GNAQ: variants seen among roughly 807,000 people sequenced by gnomAD.
The protein encoded by GNAQ is G protein subunit alpha q.
Under a neutral mutation model 43.9 loss-of-function variants are expected in GNAQ, and 8 were observed. The observed-to-expected ratio is 0.18, with a 90% CI of 0.11 to 0.33. The LOEUF (loss-of-function observed/expected upper bound fraction) is 0.33. Ranked by LOEUF, GNAQ falls within the 10% of genes least tolerant of loss-of-function variation. The probability of loss-of-function intolerance (pLI) is 1.00; values close to 1 mark genes in which losing one functional copy is unlikely to be tolerated. For synonymous variants in GNAQ, 155 were observed against 170.7 expected, an observed-to-expected ratio of 0.91 and a Z score of 0.71; for missense variants, 158 against 450.8, an observed-to-expected ratio of 0.35 and a Z score of 5.88.
intron 1 of GNAQ, among the ~76,000 whole-genome samples, chr9:77,947,602 A>T (rs1034555514): frequency 2.0e-5 from 3 of 152,222 alleles, no homozygotes; most frequent in African/African-American, 7.2e-5. Context: ...GCTATTACCC[A>T]TACATGCCCC....
chr9:77,946,460 AC>A (rs1822900965), intron 1 of GNAQ, among the ~76,000 whole-genome samples: 2 of 152,032 alleles, frequency 1.3e-5, no homozygotes, highest in African/African-American at 4.8e-5. Flanking sequence ...CCCCAAAAAC[AC>A]CCAGGCAAAG....
At chr9:77,740,478 A>C (rs1320297738) in intron 5 of GNAQ, among the ~76,000 whole-genome samples, 1 of 152,252 alleles carries the variant, frequency 6.6e-6, no homozygotes, top group African/African-American at 2.4e-5. Context: ...ACTGAAGGAC[A>C]GTAATAAGCA....
intron 3 of GNAQ, among the ~76,000 whole-genome samples, chr9:77,801,218 C>A (rs954093520): frequency 1.3e-5 from 2 of 152,194 alleles, no homozygotes; most frequent in African/African-American, 2.4e-5. Context: ...GAATCAGGCA[C>A]ATACCTGCCA....
At chr9:78,026,829 C>T (rs1476443967) in intron 1 of GNAQ, among the ~76,000 whole-genome samples, 1 of 152,208 alleles carries the variant, frequency 6.6e-6, no homozygotes, top group Non-Finnish European at 1.5e-5. Context: ...GCATATCCTT[C>T]ATATTAAAAA....
intron 2 of GNAQ, among the ~76,000 whole-genome samples, chr9:77,842,967 G>C (rs903967133): frequency 3.3e-5 from 5 of 152,114 alleles, no homozygotes; most frequent in African/African-American, 1.2e-4. Flanking sequence ...TAAAGTCTTT[G>C]AGCGCAAACC....
rs1491246096 is a variant in GNAQ at position 77,840,351 on chromosome 9, TTG to T, written c.322-24583_322-24582del. On this transcript the variant is annotated intron_variant, in intron 2 of 6. Transcript: ENST00000286548. ...GCAGATGTGTGCATTTGATTACTTT[TTG>T]TTTTTTTTTTTTTTTAGACGGAGTC... Among the ~76,000 whole-genome samples, 4 of 103,678 alleles carry T rather than the reference TTG, an allele frequency of 3.9e-5. No homozygotes were observed. In the Admixed American group the frequency reaches 4.3e-4, roughly 11 times the overall value. 68.0% of individuals were successfully genotyped at this position (103,678 alleles called of 152,430 possible).
rs5898560 is a variant in GNAQ at position 77,819,781 on chromosome 9, GA to G, written c.322-4012del. Among the ~76,000 whole-genome samples, 701 of 140,978 alleles carry G rather than the reference GA, an allele frequency of 5.0e-3. 1 individual carries two copies. The highest frequency in any genetic ancestry group is 0.014 in the African/African-American group (544 of 37,646). The allele number at this position is 140,978 out of a possible 152,430, so 92.5% of individuals were successfully genotyped here. A position where few individuals can be genotyped will look rare whatever the true frequency, so the allele number is the denominator to read the frequency against. ...ATCACCAACTCCTAAATGGACTGTG[GA>G]AAAAAAAAAAAAACCCTCAGCCTTT... is the stretch of plus-strand genomic sequence containing the variant. On this transcript the variant is annotated intron_variant, in intron 2 of 6. Transcript: ENST00000286548.
intron 2 of GNAQ, among the ~76,000 whole-genome samples, chr9:77,867,324 G>C (rs1827965054): frequency 6.6e-6 from 1 of 152,100 alleles, no homozygotes; most frequent in Admixed American, 6.6e-5. Flanking sequence ...GCCTGGACCA[G>C]ATCCCCAAAT....
intron 1 of GNAQ, among the ~76,000 whole-genome samples, chr9:77,982,810 G>C (rs980223127): frequency 4.0e-5 from 6 of 151,346 alleles, no homozygotes; most frequent in Non-Finnish European, 8.8e-5. Context: ...GTGGGGAGAG[G>C]GGGGAGGGAT....
chr9:77,764,171 C>T (rs1269630382), intron 5 of GNAQ, among the ~76,000 whole-genome samples: 1 of 152,124 alleles, frequency 6.6e-6, no homozygotes, highest in East Asian at 1.9e-4. Context: ...GAATTTCAGG[C>T]TTCTAGTCTC....
chr9:77,979,232 T>C (rs574539864), intron 1 of GNAQ, among the ~76,000 whole-genome samples: 1 of 151,990 alleles, frequency 6.6e-6, no homozygotes, highest in African/African-American at 2.4e-5. Context: ...GGCGGATGCC[T>C]ATAATCCCAG....
chr9:77,887,485 C>T (rs1302881096), intron 2 of GNAQ, among the ~76,000 whole-genome samples: 3 of 152,182 alleles, frequency 2.0e-5, no homozygotes, highest in Admixed American at 6.5e-5. Context: ...GCTTGCTTTA[C>T]TCCATACATT....
intron 1 of GNAQ, among the ~76,000 whole-genome samples, chr9:77,941,421 T>C (rs1001483992): frequency 2.6e-5 from 4 of 152,106 alleles, no homozygotes; most frequent in African/African-American, 9.7e-5. Context: ...GGCTAATTTT[T>C]TGTATTTTTA....
intron 2 of GNAQ, among the ~76,000 whole-genome samples, chr9:77,874,451 T>G (rs757039135): frequency 1.3e-5 from 2 of 152,198 alleles, no homozygotes; most frequent in African/African-American, 2.4e-5. Context: ...GCCTAGGAAT[T>G]TGCAGATACA....
chr9:78,015,607 A>C (rs1823829149), intron 1 of GNAQ, among the ~76,000 whole-genome samples: 1 of 152,214 alleles, frequency 6.6e-6, no homozygotes, highest in East Asian at 1.9e-4. Flanking sequence ...TGTACCCATA[A>C]AACAAAAATT....
intron 2 of GNAQ, among the ~76,000 whole-genome samples, chr9:77,858,440 T>C (rs189417064): frequency 1.1e-3 from 174 of 152,242 alleles, no homozygotes; most frequent in African/African-American, 4.0e-3. Flanking sequence ...ACTACCTTCA[T>C]TTCACTGCCA....
chr9:78,008,076 G>T (rs1220973191), intron 1 of GNAQ, among the ~76,000 whole-genome samples: 2 of 152,168 alleles, frequency 1.3e-5, no homozygotes, highest in East Asian at 3.9e-4. Flanking sequence ...AATTAAAGAA[G>T]AAATAAATTT....
chr9:77,844,664 T>A (rs766327371), intron 2 of GNAQ, among the ~76,000 whole-genome samples: 4 of 152,156 alleles, frequency 2.6e-5, no homozygotes, highest in Non-Finnish European at 4.4e-5. Flanking sequence ...TTTTTACATT[T>A]TTTATTTATT....
Position 77,717,582 on chromosome 9 carries a change from A to AT in GNAQ, c.*3740_*3741insA. On this transcript the variant is annotated 3_prime_UTR_variant, in exon 7 of 7. Transcript: ENST00000286548. ...ATAGCTTTTCACCAATTCCTAACTT[A>AT]AGACAACTAAAATTTACAATCATGT... is the stretch of plus-strand genomic sequence containing the variant. The AT allele has an allele frequency of 4.3e-6, 1 of 232,404 alleles. No individual in the cohort carries two copies. 14.4% of individuals were successfully genotyped at this position (232,404 alleles called of 1,614,324 possible). A position where few individuals can be genotyped will look rare whatever the true frequency, so the allele number is the denominator to read the frequency against.
Sources: allele counts gnomAD v4.1 joint callset (sites outside exome capture counted in the v4.1 genomes callset), GRCh38; gene constraint gnomAD v4.1.1; transcripts MANE v1.5; gene names NCBI Gene and HGNC (gene_info 2026-07-23, HGNC 2026-07-21).